EVC2: variants seen among roughly 807,000 people sequenced by gnomAD.
EVC2 encodes limbin.
Under a neutral mutation model 149.3 loss-of-function variants are expected in EVC2, and 148 were observed. The ratio of observed to expected loss-of-function variants is 0.99; its 90% confidence interval spans 0.87 to 1.14. The LOEUF (loss-of-function observed/expected upper bound fraction) is 1.14. EVC2 is among the 50% of genes most tolerant of loss of function. The pLI, the probability that EVC2 is intolerant of heterozygous loss-of-function variation, is 0.00. For synonymous variants in EVC2, 776 were observed against 649.9 expected (o/e 1.19, Z -2.95); for missense variants, 1,854 against 1,627.3 (o/e 1.14, Z -2.40).
At chr4:5,563,434 C>T (rs557752902) in intron 21 of EVC2, among the ~76,000 whole-genome samples, 336 of 152,290 alleles carry the variant, frequency 2.2e-3, no homozygotes, top group Non-Finnish European at 3.7e-3. Context: ...GCAACCTCCA[C>T]CTCCCAGGTT....
At chr4:5,662,926 G>A (rs1718995441) in intron 9 of EVC2, among the ~76,000 whole-genome samples, 181 bp downstream of exon 9, 1 of 151,794 alleles carries the variant, frequency 6.6e-6, no homozygotes, top group African/African-American at 2.4e-5. Context: ...CAGGAAGTAT[G>A]TCATCTACAC....
At chr4:5,546,507 T>A (rs183789920) in intron 21 of EVC2, among the ~76,000 whole-genome samples, 14 of 151,738 alleles carry the variant, frequency 9.2e-5, no homozygotes, top group Non-Finnish European at 1.8e-4. Flanking sequence ...TAGGTGGGAA[T>A]TGAACAATGA....
chr4:5,672,866 C>A (rs925879706), intron 7 of EVC2, among the ~76,000 whole-genome samples: 1 of 152,182 alleles, frequency 6.6e-6, no homozygotes, highest in East Asian at 1.9e-4. Context: ...ACACTGAAAA[C>A]TTGATGCTAA....
At position 5,618,563 on chromosome 4, in the gene EVC2, C is replaced by CG. The variant is rs750244411; in HGVS notation, c.2620dup (p.Arg874ProfsTer27). The CG allele has an allele frequency of 6.2e-7, 1 of 1,614,142 alleles. No individual in the cohort carries two copies. Among genetic ancestry groups the CG allele is most frequent in the Non-Finnish European group, 8.5e-7 (1 of 1,180,034 alleles). ...AGTCTGAAATTGCTGCAGCAGAACT[C>CG]GGGCCCGGATCTTGGGGAGGGCCAA... On this transcript the variant is annotated frameshift_variant, in exon 15 of 22. Transcript: ENST00000344408. LOFTEE classifies it high-confidence loss of function. The surrounding 1 kb of genome is among the most constrained non-coding windows in gnomAD (Gnocchi z 4.4).
intron 9 of EVC2, among the ~76,000 whole-genome samples, chr4:5,656,744 T>C (rs918335562): frequency 1.3e-5 from 2 of 152,188 alleles, no homozygotes; most frequent in South Asian, 2.1e-4. Flanking sequence ...TACCTTGATT[T>C]CAGCCCAGAG....
At chr4:5,593,026 T>A (rs1712971681) in intron 16 of EVC2, among the ~76,000 whole-genome samples, 1 of 152,226 alleles carries the variant, frequency 6.6e-6, no homozygotes, top group Non-Finnish European at 1.5e-5. Context: ...GGGATTTTTC[T>A]CCCTCTTTGC....
chr4:5,611,504 C>T (rs1714819212), intron 16 of EVC2, among the ~76,000 whole-genome samples: 2 of 151,932 alleles, frequency 1.3e-5, no homozygotes, highest in African/African-American at 4.8e-5. Flanking sequence ...GAGTAATAAA[C>T]TTCTAAAGGA....
At chr4:5,705,540 AT>A (rs144005066) in intron 1 of EVC2, among the ~76,000 whole-genome samples, 59,112 of 151,550 alleles carry the variant, frequency 0.39, 12,583 homozygotes, top group East Asian at 0.56. Context: ...CATAAATAGC[AT>A]TTTTTTTTGA....
At chr4:5,676,012 G>A (rs1013335248) in intron 7 of EVC2, among the ~76,000 whole-genome samples, 1 of 152,190 alleles carries the variant, frequency 6.6e-6, no homozygotes, top group South Asian at 2.1e-4. Context: ...ATAACAATTG[G>A]TTTAAATGTC....
rs566645133 is a variant in EVC2, at chr4:5,551,127, T to C, written c.3420-7915A>G. 3.3e-5 allele frequency among the ~76,000 whole-genome samples: 5 copies of C among 152,114 alleles called. No homozygotes were observed. The South Asian group carries it at 8.3e-4, about 25-fold the overall frequency. On this transcript the variant is annotated intron_variant and NMD_transcript_variant, in intron 21 of 22. Transcript: ENST00000475313. ...GGTTGGAGCACCCACACAGAGTCCC[T>C]ACTGGGGCATCACCTAGTGGAGCCG...
intron 1 of EVC2, among the ~76,000 whole-genome samples, chr4:5,702,140 G>C (rs1721864739): frequency 6.6e-6 from 1 of 152,150 alleles, no homozygotes; most frequent in African/African-American, 2.4e-5. Context: ...GTCCTGGCCA[G>C]AAACAAGGCC....
At chr4:5,547,672 A>C (rs1721648025) in intron 21 of EVC2, among the ~76,000 whole-genome samples, 1 of 152,300 alleles carries the variant, frequency 6.6e-6, no homozygotes, top group Non-Finnish European at 1.5e-5. Flanking sequence ...GTGTCACTCA[A>C]TAAAGCTCCT....
In EVC2 at chr4:5,640,853, A is replaced by C. The variant is rs1169301129; in HGVS notation, c.1146-15T>G. 6.2e-7 allele frequency: 1 copy of C among 1,614,054 alleles called. No homozygotes were observed. The highest frequency in any genetic ancestry group is 1.3e-5 in the African/African-American group (1 of 75,032). On this transcript the variant is annotated splice_polypyrimidine_tract_variant and intron_variant, in intron 9 of 21. Coordinates refer to ENST00000344408, the MANE Select transcript of EVC2 (RefSeq NM_147127.5). The surrounding 1 kb of genome is among the most constrained non-coding windows in gnomAD (Gnocchi z 4.6). ...CAATCTCCAACCTAGGAAACACAAA[A>C]ATCAAAAGAATTCCATTACATGAAA...
intron 15 of EVC2, among the ~76,000 whole-genome samples, chr4:5,617,083 GA>G (rs796348126): frequency 1.3e-5 from 2 of 149,056 alleles, no homozygotes; most frequent in African/African-American, 2.6e-5. Flanking sequence ...CAGAAGTAGG[GA>G]AAAAAACAAC....
rs1722901663 is a variant in EVC2, at chr4:5,576,039, G to A, written c.3272+201C>T. ...ATATTACGTTTGGTAAAACTTCAAT[G>A]ATATTAAATTTAAAAAAGAAGGGCA... is the stretch of plus-strand genomic sequence containing the variant. On this transcript the variant is annotated intron_variant, in intron 18 of 21. Coordinates refer to ENST00000344408, the MANE Select transcript of EVC2 (RefSeq NM_147127.5). The surrounding 1 kb of genome is among the most constrained non-coding windows in gnomAD (Gnocchi z 4.5). Among the ~76,000 whole-genome samples the A allele has an allele frequency of 1.3e-5, 2 of 152,136 alleles. No homozygotes were observed. Among genetic ancestry groups the A allele is most frequent in the South Asian group, 2.1e-4 (1 of 4,822 alleles).
At chr4:5,548,454 C>G (rs1417205781) in intron 21 of EVC2, among the ~76,000 whole-genome samples, 2 of 150,568 alleles carry the variant, frequency 1.3e-5, no homozygotes, top group Admixed American at 6.7e-5. Context: ...CTTCTCCAGC[C>G]CACCTTGCCT....
At chr4:5,563,654 T>C (rs1722089443) in intron 21 of EVC2, among the ~76,000 whole-genome samples, 1 of 152,100 alleles carries the variant, frequency 6.6e-6, no homozygotes, top group South Asian at 2.1e-4. Context: ...TTCAGGAGTT[T>C]TGCGAGCCCA....
Position 5,622,393 on chromosome 4 carries a change from G to T in EVC2, c.2501+144C>A. 1 of 988,286 alleles carries T rather than the reference G, an allele frequency of 1.0e-6. No homozygotes were observed. Among genetic ancestry groups the T allele is most frequent in the Non-Finnish European group, 1.6e-6 (1 of 642,962 alleles). The allele number at this position is 988,286 out of a possible 1,614,324, so 61.2% of individuals were successfully genotyped here. ...CGAGGTCCTCCCCCCGGGGCGTTGA[G>T]TTTATATGACTAATTAACGCTGGTA... On this transcript the variant is annotated intron_variant, in intron 14 of 21. Transcript: ENST00000344408. This position sits in a 1 kb window ranked among gnomAD's most constrained non-coding sequence, Gnocchi z 5.8.
At chr4:5,609,944 G>A (rs1714689033) in intron 16 of EVC2, among the ~76,000 whole-genome samples, 1 of 152,204 alleles carries the variant, frequency 6.6e-6, no homozygotes, top group Admixed American at 6.5e-5. Flanking sequence ...GTTCTTACTT[G>A]TGGTGGAAGT....
Sources: allele counts gnomAD v4.1 joint callset (sites outside exome capture counted in the v4.1 genomes callset), GRCh38; gene constraint gnomAD v4.1.1; non-coding constraint Gnocchi (gnomAD v3.1); transcripts MANE v1.5; gene names NCBI Gene and HGNC (gene_info 2026-07-23, HGNC 2026-07-21).